The following GFRA1 variants were observed in gnomAD, a reference collection of about 807,000 sequenced individuals.
GFRA1 encodes GDNF family receptor alpha 1, also known as GDNF family receptor alpha-1.
In GFRA1, 16 loss-of-function variants were observed where a neutral mutation model predicts 51.6. The ratio of observed to expected loss-of-function variants is 0.31; its 90% CI spans 0.21 to 0.47. The LOEUF (loss-of-function observed/expected upper bound fraction) is 0.47, where lower values mean the gene tolerates loss of function less well. GFRA1 is among the 20% of genes least tolerant of loss of function. The pLI, the probability that GFRA1 is intolerant of heterozygous loss-of-function variation, is 1.00. For missense variants in GFRA1, 530 were observed against 594.3 expected (o/e 0.89, Z 1.13); for synonymous variants, 270 against 241.3 (o/e 1.12, Z -1.10).
chr10:116,170,863 A>G (rs1248855425), intron 5 of GFRA1, among the ~76,000 whole-genome samples: 3 of 152,214 alleles, frequency 2.0e-5, no homozygotes, highest in African/African-American at 7.2e-5. Flanking sequence ...CCTTGACTTC[A>G]ACAGCTGCTG....
At chr10:116,218,519 G>A (rs988547965) in intron 4 of GFRA1, among the ~76,000 whole-genome samples, 1 of 152,260 alleles carries the variant, frequency 6.6e-6, no homozygotes, top group Non-Finnish European at 1.5e-5. Context: ...TGTATCTCCC[G>A]GAGCATGGCC....
intron 4 of GFRA1, among the ~76,000 whole-genome samples, chr10:116,258,699 T>C (rs1053342888): frequency 1.2e-4 from 19 of 152,240 alleles, no homozygotes; most frequent in African/African-American, 4.6e-4. Context: ...CTACCACTTA[T>C]TAAGTATGTG....
intron 5 of GFRA1, among the ~76,000 whole-genome samples, chr10:116,203,764 G>T (rs1964518458): frequency 6.6e-6 from 1 of 152,208 alleles, no homozygotes; most frequent in Non-Finnish European, 1.5e-5. Flanking sequence ...AGGTACAGAG[G>T]GTTTAAGCAT....
At chr10:116,148,742 G>A (rs764229008) in intron 5 of GFRA1, among the ~76,000 whole-genome samples, 3 of 152,024 alleles carry the variant, frequency 2.0e-5, no homozygotes, top group Non-Finnish European at 4.4e-5. Flanking sequence ...TGAAGTAATT[G>A]GCTTTGATCT....
chr10:116,184,813 A>G (rs554511322), intron 5 of GFRA1, among the ~76,000 whole-genome samples: 1 of 152,184 alleles, frequency 6.6e-6, no homozygotes, highest in East Asian at 2.0e-4. Flanking sequence ...GTTTAACCAG[A>G]GCCCTGGGTA....
At chr10:116,230,544 A>G (rs975804712) in intron 4 of GFRA1, among the ~76,000 whole-genome samples, 1 of 152,230 alleles carries the variant, frequency 6.6e-6, no homozygotes, top group African/African-American at 2.4e-5. Context: ...TTACAAGTCT[A>G]TTCTCAGTAG....
intron 6 of GFRA1, among the ~76,000 whole-genome samples, chr10:116,100,015 A>G (rs1197235480): frequency 6.6e-6 from 1 of 152,224 alleles, no homozygotes; most frequent in Non-Finnish European, 1.5e-5. Flanking sequence ...ACGAGGATTT[A>G]AAGTCATACA....
intron 4 of GFRA1, among the ~76,000 whole-genome samples, chr10:116,227,431 C>T (rs910871028): frequency 4.6e-5 from 7 of 152,206 alleles, no homozygotes; most frequent in African/African-American, 7.2e-5. Flanking sequence ...AGCCATGATT[C>T]AAACTTGGAT....
chr10:116,093,271 T>A (rs1395674629), intron 8 of GFRA1, among the ~76,000 whole-genome samples: 5 of 152,254 alleles, frequency 3.3e-5, no homozygotes, highest in Non-Finnish European at 7.3e-5. Context: ...TATCCCCATC[T>A]AATTTGTCTG....
At chr10:116,196,150 G>A (rs1963724655) in intron 5 of GFRA1, among the ~76,000 whole-genome samples, 1 of 150,596 alleles carries the variant, frequency 6.6e-6, no homozygotes, top group Non-Finnish European at 1.5e-5. Flanking sequence ...TACTGTATTT[G>A]CTTAATAGGA....
chr10:116,185,238 T>C (rs964172677), intron 5 of GFRA1, among the ~76,000 whole-genome samples: 2 of 151,852 alleles, frequency 1.3e-5, no homozygotes, highest in Non-Finnish European at 2.9e-5. Context: ...ATTGGATGCC[T>C]TACCTAACCT....
intron 5 of GFRA1, among the ~76,000 whole-genome samples, chr10:116,145,290 T>C (rs1958753454): frequency 6.7e-6 from 1 of 148,236 alleles, no homozygotes; most frequent in South Asian, 2.2e-4. Context: ...TTTCCAGAAA[T>C]CACATAGAAC....
At chr10:116,223,737 C>G (rs1966088689) in intron 4 of GFRA1, among the ~76,000 whole-genome samples, 1 of 152,168 alleles carries the variant, frequency 6.6e-6, no homozygotes, top group Non-Finnish European at 1.5e-5. Context: ...CACTGAGTGC[C>G]TTTGCAAAAT....
chr10:116,194,995 T>C (rs927953790), intron 5 of GFRA1, among the ~76,000 whole-genome samples: 1 of 152,202 alleles, frequency 6.6e-6, no homozygotes, highest in Non-Finnish European at 1.5e-5. Context: ...GTGGAAACCA[T>C]TCAACTCTGC....
chr10:116,079,728 C>T (rs986629711), intron 9 of GFRA1, among the ~76,000 whole-genome samples: 1 of 152,054 alleles, frequency 6.6e-6, no homozygotes, highest in African/African-American at 2.4e-5. Context: ...GTGCCAATGT[C>T]GAGGAAGCCT....
chr10:116,216,729 G>A (rs1279606597), intron 4 of GFRA1, among the ~76,000 whole-genome samples: 1 of 152,112 alleles, frequency 6.6e-6, no homozygotes, highest in Non-Finnish European at 1.5e-5. Context: ...GCTGTCTTGC[G>A]AGTCCTCCTG....
chr10:116,180,768 C>T (rs1481404722), intron 5 of GFRA1, among the ~76,000 whole-genome samples: 1 of 152,168 alleles, frequency 6.6e-6, no homozygotes, highest in Non-Finnish European at 1.5e-5. Context: ...TTTGGACGTT[C>T]CATCCCCTCT....
At chr10:116,258,380 A>ATATAT (rs376053191) in intron 4 of GFRA1, among the ~76,000 whole-genome samples, 144,998 of 146,134 alleles carry the variant, frequency 0.99, 71,944 homozygotes, top group South Asian at 1. Flanking sequence ...ATAATATCTA[A>ATATAT]TATATTAATT....
rs549885873 is a variant in GFRA1, at chr10:116,226,532, G to A, written c.419-14887C>T. ...TGTGAGCTCTGTATGGTTCAGAGGG[G>A]CTTTTGCTTCTGCTTCTCTAGATCA... is the stretch of plus-strand genomic sequence containing the variant. On this transcript the variant is annotated intron_variant, in intron 4 of 10. Coordinates refer to ENST00000355422, the MANE Select transcript of GFRA1 (RefSeq NM_005264.8). Among the ~76,000 whole-genome samples, 9 of 152,200 alleles carry A rather than the reference G, an allele frequency of 5.9e-5. No individual in the cohort carries two copies. The East Asian group carries it at 1.7e-3, about 29-fold the overall frequency.
Sources: gnomAD v4.1 joint callset for allele counts (sites outside exome capture counted in the v4.1 genomes callset) on GRCh38, gnomAD v4.1.1 for gene constraint, MANE v1.5 for transcripts, NCBI Gene and HGNC (gene_info 2026-07-23, HGNC 2026-07-21) for gene names.